TCF7L1: variants seen among roughly 807,000 people sequenced by gnomAD.
TCF7L1 encodes the protein transcription factor 7-like 1.
Under a neutral mutation model 63.7 loss-of-function variants are expected in TCF7L1, and 18 were observed. The ratio of observed to expected loss-of-function variants is 0.28; its 90% CI spans 0.20 to 0.42. The LOEUF (loss-of-function observed/expected upper bound fraction) is 0.42, where lower values mean the gene tolerates loss of function less well. Ranked by LOEUF, TCF7L1 falls within the 10% of genes least tolerant of loss-of-function variation. The pLI is 1.00. For synonymous variants in TCF7L1, 355 were observed against 340.9 expected, an observed-to-expected ratio of 1.04 and a Z score of -0.46; for missense variants, 654 against 779.3, an observed-to-expected ratio of 0.84 and a Z score of 1.91.
intron 3 of TCF7L1, among the ~76,000 whole-genome samples, chr2:85,215,365 A>G (rs4831997): frequency 0.053 from 8,129 of 152,320 alleles, 613 homozygotes; most frequent in African/African-American, 0.15. Context: ...AGGGAACTCC[A>G]GGGAGCCACA....
chr2:85,262,161 T>A, intron 3 of TCF7L1: 1 of 546,710 alleles, frequency 1.8e-6, no homozygotes, highest in South Asian at 1.4e-5. Flanking sequence ...GTTCGTATAC[T>A]CATTAAAACC....
intron 3 of TCF7L1, among the ~76,000 whole-genome samples, chr2:85,182,412 C>T (rs1445413715): frequency 6.6e-6 from 1 of 152,202 alleles, no homozygotes; most frequent in African/African-American, 2.4e-5. Context: ...TTAATGCCAG[C>T]AGCTGCTCTC....
At position 85,295,407 on chromosome 2, in the gene TCF7L1, G is replaced by A. The variant is rs1376007207; in HGVS notation, c.526-7077G>A. 3.9e-5 allele frequency among the ~76,000 whole-genome samples: 6 copies of A among 152,008 alleles called. 1 individual carries two copies. The highest frequency in any genetic ancestry group is 3.9e-4 in the Admixed American group (6 of 15,268). ...GTAGAAACAGGGTTTCTCCATGTTG[G>A]TCAGGCTGGTCTCGAACTCCCGACC... On this transcript the variant is annotated intron_variant, in intron 4 of 11. Coordinates refer to ENST00000282111, the MANE Select transcript of TCF7L1 (RefSeq NM_031283.3).
At chr2:85,261,348 C>T (rs1680854310) in intron 3 of TCF7L1, among the ~76,000 whole-genome samples, 1 of 152,186 alleles carries the variant, frequency 6.6e-6, no homozygotes, top group African/African-American at 2.4e-5. Flanking sequence ...TCTCCACCTC[C>T]AGTGGCTGCT....
rs1679807636 is a variant in TCF7L1 at position 85,220,015 on chromosome 2, A to G, written c.442-63480A>G. ...GATGATTGATCTGGATGAAGGACAG[A>G]TGGGTGTTTATTGTACTTTTCCTAT... On this transcript the variant is annotated intron_variant, in intron 3 of 11. Transcript: ENST00000282111. Among the ~76,000 whole-genome samples, 6 of 152,250 alleles carry G rather than the reference A, an allele frequency of 3.9e-5. No homozygotes were observed. The South Asian group carries it at 1.0e-3, about 26-fold the overall frequency.
chr2:85,208,434 T>A (rs913249159), intron 3 of TCF7L1, among the ~76,000 whole-genome samples: 17 of 152,050 alleles, frequency 1.1e-4, no homozygotes, highest in African/African-American at 3.9e-4. Flanking sequence ...ATAGAGCAGA[T>A]AAAGCAGAGT....
In TCF7L1 at chr2:85,134,551, G is replaced by T. The variant is rs1478445136; in HGVS notation, c.441+101G>T. The T allele has an allele frequency of 1.0e-5, 15 of 1,449,898 alleles. No homozygotes were observed. The highest frequency in any genetic ancestry group is 1.3e-5 in the Non-Finnish European group (14 of 1,093,534). The allele number at this position is 1,449,898 out of a possible 1,614,324, so 89.8% of individuals were successfully genotyped here. ...AGTGGGGGATGGGGCCTTCTGCGCC[G>T]ATCCCAAGCAGAACTTGTTTGCGGA... On this transcript the variant is annotated intron_variant, in intron 3 of 11. Transcript: ENST00000282111. This position sits in a 1 kb window ranked among gnomAD's most constrained non-coding sequence, Gnocchi z 5.0.
chr2:85,261,840 C>T (rs1289939431), intron 3 of TCF7L1, among the ~76,000 whole-genome samples: 1 of 151,920 alleles, frequency 6.6e-6, no homozygotes, highest in Non-Finnish European at 1.5e-5. Flanking sequence ...ATGTTCGTGC[C>T]ACTGCACTCC....
At chr2:85,271,679 C>A (rs529610826) in intron 3 of TCF7L1, among the ~76,000 whole-genome samples, 1 of 152,260 alleles carries the variant, frequency 6.6e-6, no homozygotes, top group East Asian at 1.9e-4. Context: ...CTTTAAAAAT[C>A]TCTCCTGTGG....
intron 3 of TCF7L1, among the ~76,000 whole-genome samples, chr2:85,163,699 T>C (rs2104224254): frequency 6.6e-6 from 1 of 152,288 alleles, no homozygotes; most frequent in Non-Finnish European, 1.5e-5. Context: ...AAGTCTGAGA[T>C]CAAGGTGTCG....
Position 85,309,710 on chromosome 2 carries a change from T to C in TCF7L1, c.*248T>C. 4.7e-6 allele frequency: 2 copies of C among 427,024 alleles called. No individual in the cohort carries two copies. The highest frequency in any genetic ancestry group is 8.2e-6 in the Non-Finnish European group (2 of 243,494). 26.5% of individuals were successfully genotyped at this position (427,024 alleles called of 1,614,324 possible). On this transcript the variant is annotated 3_prime_UTR_variant, in exon 12 of 12. Coordinates refer to ENST00000282111, the MANE Select transcript of TCF7L1 (RefSeq NM_031283.3). ...AAGAGAACTGAAAAGTAGCGTGCTA[T>C]TCGTCCTGTAGGTGCTGTGGTGGAT...
chr2:85,134,304 G>T lies in TCF7L1; in HGVS notation c.314-19G>T. ...GTCCCGGGGGCCTGGGCCTCACCTC[G>T]CCTTGGTCTTGTTCGCAGTGAGAAG... On this transcript the variant is annotated intron_variant, in intron 2 of 11. Transcript: ENST00000282111. The surrounding 1 kb of genome is among the most constrained non-coding windows in gnomAD (Gnocchi z 5.0). 1 of 1,572,920 alleles carries T rather than the reference G, an allele frequency of 6.4e-7. No homozygotes were observed. Among genetic ancestry groups the T allele is most frequent in the Non-Finnish European group, 8.6e-7 (1 of 1,158,720 alleles).
chr2:85,282,861 G>C (rs911436786), intron 3 of TCF7L1, among the ~76,000 whole-genome samples: 1 of 143,872 alleles, frequency 7.0e-6, no homozygotes, highest in Admixed American at 7.1e-5. Context: ...GTACTGTTTG[G>C]TTTGGGTTTT....
At chr2:85,307,959 T>C (rs1049738828) in intron 11 of TCF7L1, among the ~76,000 whole-genome samples, 1 of 152,204 alleles carries the variant, frequency 6.6e-6, no homozygotes, top group Non-Finnish European at 1.5e-5. Context: ...CTTCAAAGCC[T>C]AGACAATCTA....
In TCF7L1 at chr2:85,134,870, G is replaced by A. The variant is rs1378255782; in HGVS notation, c.441+420G>A. ...CCTCCGACTCCGGGTTCACTGGGCG[G>A]CTGCAGGCTGGTTCCTAAGAAACCC... On this transcript the variant is annotated intron_variant, in intron 3 of 11. Transcript: ENST00000282111. The surrounding 1 kb of genome is among the most constrained non-coding windows in gnomAD (Gnocchi z 5.0). 6.6e-6 allele frequency among the ~76,000 whole-genome samples: 1 copy of A among 152,180 alleles called. No individual in the cohort carries two copies. The highest frequency in any genetic ancestry group is 1.5e-5 in the Non-Finnish European group (1 of 68,040).
chr2:85,275,620 G>A (rs1376821615), intron 3 of TCF7L1, among the ~76,000 whole-genome samples: 1 of 152,156 alleles, frequency 6.6e-6, no homozygotes, highest in African/African-American at 2.4e-5. Context: ...CACTTCATTG[G>A]TTTAAGACCA....
intron 3 of TCF7L1, among the ~76,000 whole-genome samples, chr2:85,209,161 C>T (rs955736880): frequency 1.8e-5 from 2 of 109,740 alleles, no homozygotes. Context: ...AGCTGGCCTT[C>T]GTTAAGTTAG....
chr2:85,211,901 C>T (rs1321374414), intron 3 of TCF7L1, among the ~76,000 whole-genome samples: 1 of 152,032 alleles, frequency 6.6e-6, no homozygotes, highest in East Asian at 1.9e-4. Context: ...ACCAGCCTGG[C>T]CAACATGATG....
Position 85,204,349 on chromosome 2 carries a change from G to A in TCF7L1, c.441+69899G>A, listed in dbSNP as rs375169395. On this transcript the variant is annotated intron_variant, in intron 3 of 11. Transcript: ENST00000282111. ...GAGACCTTTCGATGTCAGTACATAC[G>A]CGCTTACCTCATTCTAATTAGCCAC... Among the ~76,000 whole-genome samples, 20 of 121,134 alleles carry A rather than the reference G, an allele frequency of 1.7e-4. No individual in the cohort carries two copies. In the East Asian group the frequency reaches 2.3e-3, roughly 14 times the overall value. 79.5% of individuals were successfully genotyped at this position (121,134 alleles called of 152,430 possible). A position where few individuals can be genotyped will look rare whatever the true frequency, so the allele number is the denominator to read the frequency against.
Sources: allele counts gnomAD v4.1 joint callset (sites outside exome capture counted in the v4.1 genomes callset), GRCh38; gene constraint gnomAD v4.1.1; non-coding constraint Gnocchi (gnomAD v3.1); transcripts MANE v1.5; gene names NCBI Gene and HGNC (gene_info 2026-07-23, HGNC 2026-07-21).